The following RDX variants were observed in gnomAD, a reference collection of about 807,000 sequenced individuals.
RDX encodes radixin.
RDX carries 32 observed loss-of-function variants against 83.7 expected under a neutral mutation model. The ratio of observed to expected loss-of-function variants is 0.38; its 90% confidence interval spans 0.29 to 0.51. The LOEUF is 0.51. RDX is among the 20% of genes least tolerant of loss of function. The pLI is 0.87. For missense variants in RDX, 600 were observed against 689.9 expected, an observed-to-expected ratio of 0.87 and a Z score of 1.46; for synonymous variants, 229 against 222.7, an observed-to-expected ratio of 1.03 and a Z score of -0.25.
intron 10 of RDX, among the ~76,000 whole-genome samples, chr11:110,244,475 A>G (rs1405046982): frequency 6.6e-6 from 1 of 151,938 alleles, no homozygotes; most frequent in East Asian, 1.9e-4. Context: ...AAAAGACCAC[A>G]TTTTGCATGA....
At chr11:110,270,071 T>G (rs1483997524) in intron 3 of RDX, among the ~76,000 whole-genome samples, 1 of 151,830 alleles carries the variant, frequency 6.6e-6, no homozygotes, top group Non-Finnish European at 1.5e-5. Flanking sequence ...AATAAAGAAA[T>G]AAGTAATAAT....
intron 7 of RDX, among the ~76,000 whole-genome samples, chr11:110,257,294 CCAAA>C (rs1184127875): frequency 2.0e-5 from 3 of 151,580 alleles, no homozygotes; most frequent in Non-Finnish European, 4.4e-5. Flanking sequence ...GTATTAATGT[CCAAA>C]CATATTTAAA....
intron 15 of RDX, among the ~76,000 whole-genome samples, chr11:110,189,113 T>C (rs11525418): frequency 0.48 from 72,518 of 151,422 alleles, 17,477 homozygotes; most frequent in East Asian, 0.6. Context: ...AGAGACCCAC[T>C]GACATTTAAT....
Position 110,231,680 on chromosome 11 carries a change from G to T in RDX, c.*189C>A, listed in dbSNP as rs1864641594. The T allele has an allele frequency of 1.1e-5, 7 of 637,060 alleles. No individual in the cohort carries two copies. The Admixed American group carries it at 1.8e-4, about 16-fold the overall frequency. The allele number at this position is 637,060 out of a possible 1,614,324, so 39.5% of individuals were successfully genotyped here. A position where few individuals can be genotyped will look rare whatever the true frequency, so the allele number is the denominator to read the frequency against. ...CCATTCCCTGGACCAAAAGAAAAAA[G>T]AAAACCAAGCATGATATCATACTGC... On this transcript the variant is annotated 3_prime_UTR_variant, in exon 14 of 14. Transcript: ENST00000645495.
At chr11:110,245,608 A>T (rs1369262513) in intron 10 of RDX, among the ~76,000 whole-genome samples, 3 of 152,186 alleles carry the variant, frequency 2.0e-5, no homozygotes, top group Non-Finnish European at 2.9e-5. Context: ...AACAATATAT[A>T]TCTAAATTAG....
At chr11:110,281,199 T>C (rs1030181197) in intron 1 of RDX, among the ~76,000 whole-genome samples, 5 of 151,990 alleles carry the variant, frequency 3.3e-5, no homozygotes, top group African/African-American at 1.2e-4. Flanking sequence ...CCATAACTAA[T>C]AAAAGAGAAA....
chr11:110,259,298 A>G (rs923713990), intron 5 of RDX, among the ~76,000 whole-genome samples: 1 of 152,198 alleles, frequency 6.6e-6, no homozygotes, highest in East Asian at 1.9e-4. Context: ...AGTCAACATG[A>G]TTATAAGTTA....
intron 3 of RDX, among the ~76,000 whole-genome samples, chr11:110,266,992 C>T (rs895433734): frequency 6.6e-6 from 1 of 151,830 alleles, no homozygotes; most frequent in Non-Finnish European, 1.5e-5. Context: ...TCCACCCCCA[C>T]CCCAGGCTCA....
chr11:110,277,448 T>C (rs1860567524), intron 2 of RDX, among the ~76,000 whole-genome samples: 2 of 152,096 alleles, frequency 1.3e-5, no homozygotes, highest in Non-Finnish European at 2.9e-5. Context: ...GCCTCCCAAG[T>C]AGCTGGGATT....
chr11:110,272,770 C>T (rs1442004125), intron 2 of RDX, 151 bp from the exon 3 acceptor site: 1 of 634,856 alleles, frequency 1.6e-6, no homozygotes, highest in Non-Finnish European at 2.8e-6. Flanking sequence ...ATAAAGTCCT[C>T]ATTTAGGAAC....
At chr11:110,234,825 A>G (rs1275084891) in intron 12 of RDX, among the ~76,000 whole-genome samples, 1 of 152,228 alleles carries the variant, frequency 6.6e-6, no homozygotes, top group African/African-American at 2.4e-5. Flanking sequence ...GATTTACTTA[A>G]GAGTGCAAGA....
intron 3 of RDX, among the ~76,000 whole-genome samples, chr11:110,268,477 G>A (rs1860150756): frequency 6.6e-6 from 1 of 152,176 alleles, no homozygotes; most frequent in Non-Finnish European, 1.5e-5. Flanking sequence ...GATTGCCCCA[G>A]CAGTGCCATA....
intron 15 of RDX, among the ~76,000 whole-genome samples, chr11:110,178,983 TG>T (rs1862829795): frequency 6.6e-6 from 1 of 152,156 alleles, no homozygotes; most frequent in Non-Finnish European, 1.5e-5. Context: ...CATTCGAGTT[TG>T]GGGTCCCTGC....
chr11:110,263,861 C>G, intron 5 of RDX, 99 bp downstream of exon 5: 1 of 1,069,172 alleles, frequency 9.4e-7, no homozygotes, highest in South Asian at 1.5e-5. Context: ...GGTCCAGACC[C>G]TGTCTCCAAA....
At chr11:110,274,391 C>T (rs927174393) in intron 2 of RDX, among the ~76,000 whole-genome samples, 2 of 152,004 alleles carry the variant, frequency 1.3e-5, no homozygotes, top group South Asian at 2.1e-4. Flanking sequence ...TGTAAAATAG[C>T]TTCATTTTTC....
chr11:110,180,696 G>C (rs1862869777), intron 15 of RDX, among the ~76,000 whole-genome samples: 2 of 149,000 alleles, frequency 1.3e-5, no homozygotes, highest in Admixed American at 1.3e-4. Flanking sequence ...TGTCCCCCAT[G>C]CTGGAGTGCA....
At chr11:110,292,294 G>GAA (rs113085193) in intron 1 of RDX, among the ~76,000 whole-genome samples, 3 of 135,470 alleles carry the variant, frequency 2.2e-5, no homozygotes, top group African/African-American at 2.7e-5. Context: ...CCCTGTCTTG[G>GAA]AAAAAAAAAA....
intron 1 of RDX, among the ~76,000 whole-genome samples, chr11:110,292,576 C>A (rs1294229415): frequency 1.3e-5 from 2 of 151,618 alleles, no homozygotes; most frequent in Non-Finnish European, 2.9e-5. Context: ...TCTAAGGGCT[C>A]AAAACTGAAG....
At chr11:110,270,583 TGAA>T (rs1339520304) in intron 3 of RDX, among the ~76,000 whole-genome samples, 1 of 152,158 alleles carries the variant, frequency 6.6e-6, no homozygotes, top group Non-Finnish European at 1.5e-5. Flanking sequence ...AATAAACCTC[TGAA>T]GAAGTAATGT....
Sources: allele counts gnomAD v4.1 joint callset (sites outside exome capture counted in the v4.1 genomes callset), GRCh38; gene constraint gnomAD v4.1.1; transcripts MANE v1.5; gene names NCBI Gene and HGNC (gene_info 2026-07-23, HGNC 2026-07-21).